Variants in EPS15 observed in about 807,000 individuals in gnomAD.
EPS15 encodes the protein epidermal growth factor receptor pathway substrate 15.
EPS15 carries 72 observed loss-of-function variants against 113.8 expected under a neutral mutation model. The ratio of observed to expected loss-of-function variants is 0.63; its 90% confidence interval spans 0.52 to 0.77. The LOEUF (loss-of-function observed/expected upper bound fraction) is 0.77, where lower values mean the gene tolerates loss of function less well. Among genes scored for constraint, EPS15 ranks in the 30% least tolerant of loss-of-function variants. The probability of loss-of-function intolerance (pLI) is 0.00; values close to 1 mark genes in which losing one functional copy is unlikely to be tolerated. For missense variants in EPS15, 1,048 were observed against 1,045.8 expected, an observed-to-expected ratio of 1.00 and a Z score of -0.03; for synonymous variants, 344 against 363.4, an observed-to-expected ratio of 0.95 and a Z score of 0.61.
intron 21 of EPS15, among the ~76,000 whole-genome samples, chr1:51,367,071 T>A (rs1646523023): frequency 6.6e-6 from 1 of 152,210 alleles, no homozygotes; most frequent in South Asian, 2.1e-4. Flanking sequence ...ATATGGGTTA[T>A]GAAAGAGGTA....
intron 7 of EPS15, chr1:51,461,848 A>T (rs1654475682): frequency 2.0e-5 from 3 of 152,258 alleles, no homozygotes. Context: ...TGTCATCATC[A>T]TAGCAGCTAG....
intron 1 of EPS15, among the ~76,000 whole-genome samples, chr1:51,486,825 T>G (rs896137133): frequency 2.3e-4 from 35 of 150,894 alleles, no homozygotes; most frequent in East Asian, 7.8e-4. Flanking sequence ...TGGCTAATTT[T>G]TGTGTGTGTG....
intron 1 of EPS15, among the ~76,000 whole-genome samples, chr1:51,508,219 A>AG (rs1193660538): frequency 1.6e-5 from 2 of 128,522 alleles, no homozygotes; most frequent in African/African-American, 3.1e-5. Flanking sequence ...AAAAGAAAAG[A>AG]AAAGAAAAGA....
chr1:51,406,940 A>G (rs1649187556), intron 15 of EPS15, among the ~76,000 whole-genome samples: 1 of 152,254 alleles, frequency 6.6e-6, no homozygotes, highest in African/African-American at 2.4e-5. Context: ...AATTTAAGGT[A>G]TATCTTGCAT....
chr1:51,396,539 A>G (rs1647963960), intron 20 of EPS15, among the ~76,000 whole-genome samples: 1 of 152,204 alleles, frequency 6.6e-6, no homozygotes, highest in African/African-American at 2.4e-5. Flanking sequence ...TGAGAGAAGA[A>G]AAAACTAACA....
Position 51,403,550 on chromosome 1 carries a change from A to G in EPS15, c.1678-18T>C, listed in dbSNP as rs747228203. 1.3e-5 allele frequency: 18 copies of G among 1,370,386 alleles called. No individual in the cohort carries two copies. Among genetic ancestry groups the G allele is most frequent in the Non-Finnish European group, 1.7e-5 (17 of 982,136 alleles). The allele number at this position is 1,370,386 out of a possible 1,614,324, so 84.9% of individuals were successfully genotyped here. A position where few individuals can be genotyped will look rare whatever the true frequency, so the allele number is the denominator to read the frequency against. ...CTTCTTGCCTACAAAATATTAATGC[A>G]AGTAGATTAACAATATACTTTTTGA... On this transcript the variant is annotated intron_variant, in intron 16 of 24. Transcript: ENST00000371733.
At chr1:51,477,520 T>A (rs555392969) in intron 2 of EPS15, among the ~76,000 whole-genome samples, 1 of 152,306 alleles carries the variant, frequency 6.6e-6, no homozygotes, top group East Asian at 1.9e-4. Context: ...GGCTCTTGCT[T>A]CTCTAGTTCT....
chr1:51,502,686 C>A (rs112592420), intron 1 of EPS15, among the ~76,000 whole-genome samples: 1 of 152,052 alleles, frequency 6.6e-6, no homozygotes, highest in Non-Finnish European at 1.5e-5. Context: ...ACACTTCCAA[C>A]GAAGAATCTG....
chr1:51,467,796 C>G (rs901350263), intron 5 of EPS15, among the ~76,000 whole-genome samples: 1 of 152,126 alleles, frequency 6.6e-6, no homozygotes, highest in Non-Finnish European at 1.5e-5. Flanking sequence ...TTATAAGAAT[C>G]TAATGCCTGA....
At chr1:51,490,958 A>C (rs1052681403) in intron 1 of EPS15, among the ~76,000 whole-genome samples, 1 of 152,216 alleles carries the variant, frequency 6.6e-6, no homozygotes, top group Non-Finnish European at 1.5e-5. Context: ...GGAAAATTGG[A>C]TGAAGGGTGC....
chr1:51,470,096 A>C (rs976139160), intron 4 of EPS15, among the ~76,000 whole-genome samples: 1 of 152,192 alleles, frequency 6.6e-6, no homozygotes, highest in Non-Finnish European at 1.5e-5. Flanking sequence ...ACTCTTAGGT[A>C]ATCAAGTCTA....
At chr1:51,364,621 A>C (rs1646466609) in intron 22 of EPS15, among the ~76,000 whole-genome samples, 2 of 151,918 alleles carry the variant, frequency 1.3e-5, no homozygotes, top group South Asian at 4.1e-4. Context: ...CAGCCTCTCG[A>C]ATAGCTAGGA....
intron 16 of EPS15, among the ~76,000 whole-genome samples, chr1:51,405,266 G>C (rs944942602): frequency 6.6e-6 from 1 of 152,130 alleles, no homozygotes; most frequent in Non-Finnish European, 1.5e-5. Context: ...CTTGCACATA[G>C]TTGGTACTCG....
intron 12 of EPS15, among the ~76,000 whole-genome samples, chr1:51,428,528 A>C (rs574630020): frequency 6.6e-6 from 1 of 152,234 alleles, no homozygotes; most frequent in East Asian, 1.9e-4. Context: ...CATCAATAAC[A>C]TAACAGGGTG....
At chr1:51,498,359 T>G (rs1644361137) in intron 1 of EPS15, among the ~76,000 whole-genome samples, 1 of 152,194 alleles carries the variant, frequency 6.6e-6, no homozygotes, top group African/African-American at 2.4e-5. Flanking sequence ...ACTTAACAAT[T>G]TTTTAACTTT....
chr1:51,414,341 A>G (rs897106594), intron 13 of EPS15, among the ~76,000 whole-genome samples: 4 of 152,062 alleles, frequency 2.6e-5, no homozygotes, highest in African/African-American at 9.7e-5. Context: ...TGAACCCAGG[A>G]GGCAGAAGTT....
intron 1 of EPS15, among the ~76,000 whole-genome samples, chr1:51,484,020 A>C (rs1644073208): frequency 6.6e-6 from 1 of 152,084 alleles, no homozygotes; most frequent in Non-Finnish European, 1.5e-5. Flanking sequence ...CTGAGGCAGG[A>C]GGATTGGTTG....
intron 13 of EPS15, among the ~76,000 whole-genome samples, chr1:51,413,207 T>C (rs773451048): frequency 2.0e-5 from 3 of 152,214 alleles, no homozygotes; most frequent in African/African-American, 7.2e-5. Flanking sequence ...AAACCCACTA[T>C]TGATTCTTCA....
chr1:51,492,899 G>A (rs1410645370), intron 1 of EPS15, among the ~76,000 whole-genome samples: 2 of 152,148 alleles, frequency 1.3e-5, no homozygotes, highest in Non-Finnish European at 2.9e-5. Context: ...CCAGCAGCTT[G>A]TCCACATTAC....
Sources: allele counts gnomAD v4.1 joint callset (sites outside exome capture counted in the v4.1 genomes callset), GRCh38; gene constraint gnomAD v4.1.1; transcripts MANE v1.5; gene names NCBI Gene and HGNC (gene_info 2026-07-23, HGNC 2026-07-21).